Variants in FANCA observed in about 807,000 individuals in gnomAD.
FANCA encodes FA complementation group A, also known as Fanconi anemia group A protein.
Under a neutral mutation model 194.3 loss-of-function variants are expected in FANCA, and 236 were observed. The ratio of observed to expected loss-of-function variants is 1.21; its 90% CI spans 1.09 to 1.35. The LOEUF is 1.35. Ranked by LOEUF, FANCA falls within the 40% of genes most tolerant of loss-of-function variation. The pLI, the probability that FANCA is intolerant of heterozygous loss-of-function variation, is 0.00. For missense variants in FANCA, 2,628 were observed against 1,813.9 expected, an observed-to-expected ratio of 1.45 and a Z score of -8.15; for synonymous variants, 1,014 against 715.8, an observed-to-expected ratio of 1.42 and a Z score of -6.65.
intron 11 of FANCA, among the ~76,000 whole-genome samples, 182 bp downstream of exon 11, chr16:89,795,724 G>A (rs8051231): frequency 6.6e-6 from 1 of 152,044 alleles, no homozygotes; most frequent in Non-Finnish European, 1.5e-5. Flanking sequence ...AAAATCTGTT[G>A]CTTTCAGGTA....
At chr16:89,814,844 G>C (rs1016114864) in intron 2 of FANCA, among the ~76,000 whole-genome samples, 1 of 152,056 alleles carries the variant, frequency 6.6e-6, no homozygotes, top group South Asian at 2.1e-4. Flanking sequence ...GGGAGGCTGA[G>C]ACGGGAGAAT....
rs2143657513 is a variant in FANCA at position 89,808,349 on chromosome 16, C to T, written c.541G>A (p.Ala181Thr). ...WKIQSSLLLE[A>T]VWHLHVQGIV... ...CCTTGTACGTGAAGATGCCACACCGCTTCAAGCAACAAAGAACTCTGAAAA... is the reference window on the plus strand; with the variant it reads ...CCTTGTACGTGAAGATGCCACACCGTTTCAAGCAACAAAGAACTCTGAAAA... Residue 181 changes from alanine to threonine, a missense_variant, in exon 6 of 43, where the codon GCG becomes ACG. By Grantham distance (58) the Ala-to-Thr change is moderately conservative. Transcript: ENST00000389301. 6.2e-7 allele frequency: 1 copy of T among 1,614,152 alleles called. No homozygotes were observed. The highest frequency in any genetic ancestry group is 8.5e-7 in the Non-Finnish European group (1 of 1,180,024).
At chr16:89,741,844 G>T (rs764609814) in intron 37 of FANCA, among the ~76,000 whole-genome samples, 1 of 152,210 alleles carries the variant, frequency 6.6e-6, no homozygotes, top group African/African-American at 2.4e-5. Context: ...GAACACAGAA[G>T]GCACCACTTG....
rs1361401535 is a variant in FANCA, at chr16:89,738,477, C to A, written c.*124G>T. The A allele has an allele frequency of 1.3e-6, 2 of 1,482,682 alleles. No individual in the cohort carries two copies. The highest frequency in any genetic ancestry group is 9.3e-7 in the Non-Finnish European group (1 of 1,078,978). The allele number at this position is 1,482,682 out of a possible 1,614,324, so 91.8% of individuals were successfully genotyped here. On this transcript the variant is annotated 3_prime_UTR_variant, in exon 43 of 43. Transcript: ENST00000389301. ...CCGGACAGTTCATAAATAATTGATT[C>A]CTTTCCCCACTAAAGCAGTCGAGGA...
intron 6 of FANCA, among the ~76,000 whole-genome samples, chr16:89,806,347 C>CTTTTTTTTTTTTTT (rs34862478): frequency 9.1e-6 from 1 of 110,414 alleles, no homozygotes; most frequent in African/African-American, 3.6e-5. Context: ...CTATATCATT[C>CTTTTTTTTTTTTTT]TTTTTTTTTT....
At chr16:89,765,149 AC>A in intron 27 of FANCA, 83 bp from the exon 28 acceptor site, 1 of 1,495,064 alleles carries the variant, frequency 6.7e-7, no homozygotes, top group Non-Finnish European at 9.2e-7. Context: ...GTGGAAACAG[AC>A]CATCAACAGC....
intron 2 of FANCA, among the ~76,000 whole-genome samples, chr16:89,815,335 C>CT (rs562815235): frequency 0.017 from 1,163 of 66,528 alleles, 168 homozygotes; most frequent in Non-Finnish European, 0.026. Context: ...CCACGCCCGG[C>CT]TTTTTTTTTT....
At chr16:89,798,000 T>A (rs981004799) in intron 10 of FANCA, among the ~76,000 whole-genome samples, 1 of 152,204 alleles carries the variant, frequency 6.6e-6, no homozygotes, top group African/African-American at 2.4e-5. Flanking sequence ...TGAGTAATCT[T>A]ATCACACAGA....
intron 17 of FANCA, among the ~76,000 whole-genome samples, chr16:89,781,504 TCTA>T (rs2039704359): frequency 6.9e-6 from 1 of 144,108 alleles, no homozygotes; most frequent in Non-Finnish European, 1.5e-5. Flanking sequence ...AAACCCCATC[TCTA>T]CTAAAAAAAT....
At position 89,795,940 on chromosome 16, in the gene FANCA, C is replaced by G; in HGVS notation, c.972G>C (p.Leu324=). 6.2e-7 allele frequency: 1 copy of G among 1,614,132 alleles called. No homozygotes were observed. Among genetic ancestry groups the G allele is most frequent in the South Asian group, 1.1e-5 (1 of 91,084 alleles). ...DPLKRFFSHT[L]TQILTHSPVL... ...CAGGGCTGTGAGTGAGTATCTGAGT[C>G]AGGGTATGACTGAAGAACCTCTTCA... is the stretch of plus-strand genomic sequence containing the variant. Residue 324 remains leucine (L), a synonymous_variant, in exon 11 of 43, where the codon CTG becomes CTC. Transcript: ENST00000389301.
At chr16:89,784,716 G>C in intron 15 of FANCA, 138 bp downstream of exon 15, 1 of 662,302 alleles carries the variant, frequency 1.5e-6, no homozygotes, top group South Asian at 1.4e-5. Flanking sequence ...CTTGGGGAAG[G>C]GGAAGGGGAA....
chr16:89,738,318 T>C lies in FANCA; in HGVS notation c.*283A>G. 1 of 1,517,884 alleles carries C rather than the reference T, an allele frequency of 6.6e-7. No individual in the cohort carries two copies. Among genetic ancestry groups the C allele is most frequent in the South Asian group, 1.2e-5 (1 of 80,716 alleles). The allele number at this position is 1,517,884 out of a possible 1,614,324, so 94.0% of individuals were successfully genotyped here. A position where few individuals can be genotyped will look rare whatever the true frequency, so the allele number is the denominator to read the frequency against. ...GGCTGTGTCAGCCTCACCCTTCGTG[T>C]GCACCCGCATGGGAGGGTCGGAGGG... On this transcript the variant is annotated 3_prime_UTR_variant, in exon 43 of 43. Transcript: ENST00000389301.
chr16:89,814,604 G>A lies in FANCA; in HGVS notation c.199C>T (p.Pro67Ser), dbSNP rs575469396. ...LNALLLEVEGPLCKKLSLSKV... is the reference protein window; with the variant it reads ...LNALLLEVEGSLCKKLSLSKV... Reference sequence around the variant, plus strand: ...CTGAGAGACAATTTTTTACACAGTGGACCTTCTACCTAGAATCCAAAACAC... The same window carrying A: ...CTGAGAGACAATTTTTTACACAGTGAACCTTCTACCTAGAATCCAAAACAC... Residue 67 changes from proline to serine, a missense_variant, in exon 3 of 43, where the codon CCA becomes TCA. Pro to Ser is a moderately conservative substitution (Grantham distance 74, BLOSUM62 -1). Coordinates refer to ENST00000389301, the MANE Select transcript of FANCA (RefSeq NM_000135.4). The A allele has an allele frequency of 6.2e-7, 1 of 1,612,698 alleles. No individual in the cohort carries two copies. Among genetic ancestry groups the A allele is most frequent in the Non-Finnish European group, 8.5e-7 (1 of 1,178,810 alleles).
rs1025722534 is a variant in FANCA at position 89,803,286 on chromosome 16, T to G, written c.765A>C (p.Arg255Ser). 2 of 1,614,080 alleles carry G rather than the reference T, an allele frequency of 1.2e-6. No individual in the cohort carries two copies. ...GCGGCATTTTTTCAGGCTCCACAGT[T>G]CTTCTCAGATCTGAGTTTTTCTGAA... Reference protein sequence around the residue: ...RGFQKNSDLRRTVEPEKMPQV... With the variant: ...RGFQKNSDLRSTVEPEKMPQV... The change falls in exon 8 of 43, where the codon AGA becomes AGC. Residue 255 changes from arginine to serine, a missense_variant. Arg to Ser is a moderately radical substitution (Grantham distance 110, BLOSUM62 -1). Coordinates refer to ENST00000389301, the MANE Select transcript of FANCA (RefSeq NM_000135.4).
chr16:89,739,508 T>G lies in FANCA; in HGVS notation c.3980A>C (p.His1327Pro). ...RLLLRVAPDQ[H>P]TRLLPFAFYS... is the part of the protein sequence containing the mutation. ...AAAAGCGAAAGGCAGCAGCCTGGTG[T>G]GCTGATCCGGGGCCACACGGAGGAG... The change falls in exon 40 of 43, where the codon CAC becomes CCC. Residue 1327 changes from histidine (H) to proline (P), a missense_variant. Transcript: ENST00000389301. 6.4e-7 allele frequency: 1 copy of G among 1,551,372 alleles called. No individual in the cohort carries two copies. The highest frequency in any genetic ancestry group is 8.7e-7 in the Non-Finnish European group (1 of 1,147,142).
intron 37 of FANCA, among the ~76,000 whole-genome samples, chr16:89,742,064 C>G (rs570669060): frequency 6.6e-6 from 1 of 152,144 alleles, no homozygotes; most frequent in East Asian, 1.9e-4. Flanking sequence ...CCCCTGGGTT[C>G]AAGTGATCCT....
At chr16:89,798,823 T>C (rs2040338382) in intron 10 of FANCA, 3 of 1,471,616 alleles carry the variant, frequency 2.0e-6, no homozygotes, top group Non-Finnish European at 1.8e-6. Flanking sequence ...GGGCCAGCTC[T>C]AGAGCCTGAA....
At chr16:89,749,688 G>C in intron 32 of FANCA, 42 bp downstream of exon 32, 3 of 1,589,132 alleles carry the variant, frequency 1.9e-6, no homozygotes, top group Non-Finnish European at 2.6e-6. Flanking sequence ...ATGCTGCCCT[G>C]CCCAGGTGGT....
At chr16:89,757,126 C>A (rs1246778214) in intron 30 of FANCA, among the ~76,000 whole-genome samples, 1 of 152,152 alleles carries the variant, frequency 6.6e-6, no homozygotes, top group Admixed American at 6.6e-5. Flanking sequence ...TAGGCACACA[C>A]TACCATGCCT....
Sources: gnomAD v4.1 joint callset for allele counts (sites outside exome capture counted in the v4.1 genomes callset) on GRCh38, gnomAD v4.1.1 for gene constraint, MANE v1.5 for transcripts, NCBI Gene and HGNC (gene_info 2026-07-23, HGNC 2026-07-21) for gene names.